Variants in NINJ2 observed in about 807,000 individuals in gnomAD.
The protein encoded by NINJ2 is ninjurin-2.
NINJ2 carries 12 observed loss-of-function variants against 11.7 expected under a neutral mutation model. That is an observed-to-expected ratio of 1.02 (90% CI 0.66 to 1.66). NINJ2 has a LOEUF of 1.66. Ranked by LOEUF, NINJ2 falls within the 40% of genes most tolerant of loss-of-function variation. NINJ2 has a pLI of 0.00. For missense variants in NINJ2, 187 were observed against 181.8 expected, an observed-to-expected ratio of 1.03 and a Z score of -0.16; for synonymous variants, 93 against 76.8, an observed-to-expected ratio of 1.21 and a Z score of -1.10.
At chr12:568,511 A>T (rs1465474570) in intron 1 of NINJ2, among the ~76,000 whole-genome samples, 2 of 152,202 alleles carry the variant, frequency 1.3e-5, no homozygotes, top group East Asian at 3.9e-4. Flanking sequence ...ATGGGTGCTA[A>T]CAGCACCTGC....
intron 1 of NINJ2, among the ~76,000 whole-genome samples, chr12:573,060 C>G (rs1947400854): frequency 7.4e-6 from 1 of 134,230 alleles, no homozygotes; most frequent in African/African-American, 2.9e-5. Context: ...GAGTCTCGCT[C>G]TGTCGCCTAG....
At chr12:573,454 T>C (rs1947407733) in intron 1 of NINJ2, among the ~76,000 whole-genome samples, 1 of 152,010 alleles carries the variant, frequency 6.6e-6, no homozygotes, top group Non-Finnish European at 1.5e-5. Flanking sequence ...CGCATGCCTA[T>C]TGCCATCCCA....
At chr12:635,540 T>A (rs931411122) in intron 1 of NINJ2, among the ~76,000 whole-genome samples, 1 of 152,186 alleles carries the variant, frequency 6.6e-6, no homozygotes, top group Non-Finnish European at 1.5e-5. Flanking sequence ...TACAAAAGAA[T>A]GAAACTGGAC....
intron 1 of NINJ2, among the ~76,000 whole-genome samples, chr12:662,402 C>CAGAGAACGAGAG (rs1243482170): frequency 7.0e-6 from 1 of 141,990 alleles, no homozygotes; most frequent in East Asian, 2.2e-4. Context: ...AAAACACACA[C>CAGAGAACGAGAG]AGAGAACGAG....
chr12:659,388 G>A (rs1460700479), intron 1 of NINJ2, among the ~76,000 whole-genome samples: 1 of 152,180 alleles, frequency 6.6e-6, no homozygotes, highest in African/African-American at 2.4e-5. Context: ...ATTTTGGGAA[G>A]GAGCCAGGCT....
intron 1 of NINJ2, among the ~76,000 whole-genome samples, chr12:579,578 T>A (rs916714619): frequency 1.3e-5 from 2 of 152,142 alleles, no homozygotes; most frequent in African/African-American, 4.8e-5. Flanking sequence ...CATGCTTACT[T>A]TATCTTACAT....
At chr12:622,093 T>C (rs1400766518) in intron 1 of NINJ2, among the ~76,000 whole-genome samples, 4 of 117,370 alleles carry the variant, frequency 3.4e-5, no homozygotes, top group Non-Finnish European at 6.8e-5. Flanking sequence ...CTGTACTCCA[T>C]CCTGGGTGAC....
At chr12:564,802 C>T (rs192499853) in intron 3 of NINJ2, 121 bp from the exon 4 acceptor site, 203 of 154,824 alleles carry the variant, frequency 1.3e-3, no homozygotes, top group African/African-American at 4.0e-3. Context: ...AGCACGTGCT[C>T]GAGCAGAGCC....
intron 1 of NINJ2, among the ~76,000 whole-genome samples, chr12:611,026 C>T (rs1948021577): frequency 6.6e-6 from 1 of 152,168 alleles, no homozygotes; most frequent in African/African-American, 2.4e-5. Flanking sequence ...TAAGCCACGG[C>T]ACCTAGGCTG....
At chr12:578,346 T>C (rs536719511) in intron 1 of NINJ2, among the ~76,000 whole-genome samples, 23 of 152,294 alleles carry the variant, frequency 1.5e-4, no homozygotes, top group Non-Finnish European at 2.6e-4. Flanking sequence ...GTCTGCGGCT[T>C]GCCCTGCTAC....
chr12:650,080 A>ATTT (rs11400576), intron 1 of NINJ2, among the ~76,000 whole-genome samples: 5 of 144,216 alleles, frequency 3.5e-5, no homozygotes, highest in Non-Finnish European at 3.0e-5. Flanking sequence ...AGATTAGTAG[A>ATTT]TTTTTTTTTT....
chr12:634,265 CTTTTTTTTTTT>C (rs67797144), intron 1 of NINJ2, among the ~76,000 whole-genome samples: 3,576 of 59,822 alleles, frequency 0.06, 150 homozygotes, highest in African/African-American at 0.12. Flanking sequence ...AGTTGCAGTT[CTTTTTTTTTTT>C]TTTTTTTTTT....
intron 1 of NINJ2, among the ~76,000 whole-genome samples, chr12:578,350 C>G (rs1260499013): frequency 6.6e-6 from 1 of 152,124 alleles, no homozygotes; most frequent in Non-Finnish European, 1.5e-5. Context: ...GCGGCTTGCC[C>G]TGCTACAACC....
chr12:610,971 G>A (rs907751796), intron 1 of NINJ2, among the ~76,000 whole-genome samples: 3 of 152,112 alleles, frequency 2.0e-5, no homozygotes, highest in African/African-American at 7.2e-5. Context: ...CTGACCTCAG[G>A]TGATCCACTT....
chr12:609,789 A>AAAAAAAAAAAAAAAG lies in NINJ2; in HGVS notation c.34-43612_34-43611insCTTTTTTTTTTTTTT, dbSNP rs71439346. On this transcript the variant is annotated intron_variant, in intron 1 of 3. Coordinates refer to ENST00000305108, the MANE Select transcript of NINJ2 (RefSeq NM_016533.6). Reference sequence around the variant, plus strand: ...CTGCCTCAAAAAAAAAAAAAAAAATAGGGAAAACAACAACAGCAGCAATAG... The same window carrying AAAAAAAAAAAAAAAG: ...CTGCCTCAAAAAAAAAAAAAAAAATAAAAAAAAAAAAAAAGGGGAAAACAACAACAGCAGCAATAG... 1.2e-3 allele frequency among the ~76,000 whole-genome samples: 136 copies of AAAAAAAAAAAAAAAG among 116,616 alleles called. 12 individuals carry two copies. The highest frequency in any genetic ancestry group is 2.4e-3 in the African/African-American group (76 of 31,172). 76.5% of individuals were successfully genotyped at this position (116,616 alleles called of 152,430 possible). A position where few individuals can be genotyped will look rare whatever the true frequency, so the allele number is the denominator to read the frequency against.
intron 1 of NINJ2, chr12:610,213 C>T: frequency 2.6e-6 from 2 of 759,432 alleles, no homozygotes; most frequent in Non-Finnish European, 2.2e-6. Context: ...TGCCAGACAC[C>T]CAGCAGACAC....
At chr12:599,811 C>T (rs1437090971) in intron 1 of NINJ2, among the ~76,000 whole-genome samples, 2 of 152,138 alleles carry the variant, frequency 1.3e-5, no homozygotes, top group Non-Finnish European at 2.9e-5. Flanking sequence ...CCAGCACGCC[C>T]GGGGGGCTCA....
At chr12:578,201 C>T (rs897754865) in intron 1 of NINJ2, among the ~76,000 whole-genome samples, 6 of 152,180 alleles carry the variant, frequency 3.9e-5, no homozygotes, top group Non-Finnish European at 5.9e-5. Context: ...ACGCGGACCC[C>T]CTTAAAAGTT....
intron 1 of NINJ2, among the ~76,000 whole-genome samples, chr12:574,249 C>T (rs914469012): frequency 1.3e-5 from 2 of 151,992 alleles, no homozygotes; most frequent in African/African-American, 2.4e-5. Flanking sequence ...ATAGGCCAGG[C>T]GTGGAGGGAG....
Sources: allele counts gnomAD v4.1 joint callset (sites outside exome capture counted in the v4.1 genomes callset), GRCh38; gene constraint gnomAD v4.1.1; transcripts MANE v1.5; gene names NCBI Gene and HGNC (gene_info 2026-07-23, HGNC 2026-07-21).